Variants in JAKMIP2 observed in about 807,000 individuals in gnomAD.
The protein encoded by JAKMIP2 is janus kinase and microtubule-interacting protein 2.
Under a neutral mutation model 115.0 loss-of-function variants are expected in JAKMIP2, and 25 were observed. That is an observed-to-expected ratio of 0.22 (90% confidence interval 0.16 to 0.30). The LOEUF (loss-of-function observed/expected upper bound fraction) is 0.30. Among genes scored for constraint, JAKMIP2 ranks in the 10% least tolerant of loss-of-function variants. JAKMIP2 has a pLI of 1.00. For missense variants in JAKMIP2, 642 were observed against 957.6 expected (o/e 0.67, Z 4.35); for synonymous variants, 334 against 343.6 (o/e 0.97, Z 0.31).
intron 7 of JAKMIP2, among the ~76,000 whole-genome samples, chr5:147,643,006 T>C (rs896778861): frequency 1.3e-5 from 2 of 152,062 alleles, no homozygotes; most frequent in African/African-American, 4.8e-5. Flanking sequence ...AACATCAGAC[T>C]CCAAGTTCTT....
intron 1 of JAKMIP2, among the ~76,000 whole-genome samples, chr5:147,760,396 C>T (rs1247100581): frequency 2.6e-5 from 2 of 76,804 alleles, no homozygotes; most frequent in Admixed American, 1.8e-4. Flanking sequence ...AGAGAAGAGG[C>T]AGTCAGTGAA....
rs1476847985 is a variant in JAKMIP2, at chr5:147,601,765, G to A, written c.2459C>T (p.Pro820Leu). The change falls in exon 21 of 22, where the codon CCT becomes CTT. Residue 820 changes from proline to leucine, a missense_variant. Transcript: ENST00000616793. ...CCTTTAAGAGGCACCTTGACATCAA[G>A]GCCATAGAATAAAGGCAAGAGAGAA... ...LFFSLAFILW[P>L] 1 of 1,524,646 alleles carries A rather than the reference G, an allele frequency of 6.6e-7. No homozygotes were observed. Among genetic ancestry groups the A allele is most frequent in the Non-Finnish European group, 8.8e-7 (1 of 1,130,884 alleles). The allele number at this position is 1,524,646 out of a possible 1,614,324, so 94.4% of individuals were successfully genotyped here.
intron 1 of JAKMIP2, among the ~76,000 whole-genome samples, chr5:147,755,142 A>G (rs976979516): frequency 3.3e-5 from 5 of 152,204 alleles, no homozygotes; most frequent in Non-Finnish European, 5.9e-5. Flanking sequence ...AGAGTTTTGA[A>G]CAAAGCTTTG....
At chr5:147,744,440 A>G (rs1754275958) in intron 1 of JAKMIP2, among the ~76,000 whole-genome samples, 1 of 152,212 alleles carries the variant, frequency 6.6e-6, no homozygotes, top group African/African-American at 2.4e-5. Context: ...AGTAAGGCTT[A>G]GGCCACTTCT....
At position 147,742,155 on chromosome 5, in the gene JAKMIP2, A is replaced by ATTTTTTTTT. The variant is rs755006646; in HGVS notation, c.-149+40300_-149+40301insAAAAAAAAA. 2.8e-5 allele frequency among the ~76,000 whole-genome samples: 3 copies of ATTTTTTTTT among 108,884 alleles called. 1 individual carries two copies. Among genetic ancestry groups the ATTTTTTTTT allele is most frequent in the Non-Finnish European group, 5.6e-5 (3 of 53,676 alleles). The allele number at this position is 108,884 out of a possible 152,430, so 71.4% of individuals were successfully genotyped here. A position where few individuals can be genotyped will look rare whatever the true frequency, so the allele number is the denominator to read the frequency against. On this transcript the variant is annotated intron_variant, in intron 1 of 21. Transcript: ENST00000616793. ...TGTGGATCATTATATATATATATAT[A>ATTTTTTTTT]TTTTTTTTACTATTGTATTGTATCT...
rs979832119 is a variant in JAKMIP2, at chr5:147,782,393, G to T, written c.-149+63C>A. On this transcript the variant is annotated intron_variant, in intron 1 of 21. Transcript: ENST00000616793. ...CATTGTTCAAGTTCAGGCCAGAAAT[G>T]TATACACAGGTCAAATAAGAACACT... 3 of 1,496,254 alleles carry T rather than the reference G, an allele frequency of 2.0e-6. No homozygotes were observed. The African/African-American group carries it at 4.2e-5, about 21-fold the overall frequency. 92.7% of individuals were successfully genotyped at this position (1,496,254 alleles called of 1,614,324 possible). A position where few individuals can be genotyped will look rare whatever the true frequency, so the allele number is the denominator to read the frequency against.
At chr5:147,596,062 G>T (rs1337461661) in intron 21 of JAKMIP2, among the ~76,000 whole-genome samples, 1 of 152,190 alleles carries the variant, frequency 6.6e-6, no homozygotes, top group African/African-American at 2.4e-5. Flanking sequence ...CACCAAGTCA[G>T]CTTGGGCAAA....
intron 1 of JAKMIP2, among the ~76,000 whole-genome samples, chr5:147,744,045 TC>T (rs2127002722): frequency 6.9e-6 from 1 of 145,472 alleles, no homozygotes; most frequent in African/African-American, 2.6e-5. Context: ...CTTCCTTCCT[TC>T]CTTCCTTCCT....
At chr5:147,664,879 C>T (rs779621316) in intron 2 of JAKMIP2, among the ~76,000 whole-genome samples, 2 of 152,006 alleles carry the variant, frequency 1.3e-5, no homozygotes, top group African/African-American at 4.8e-5. Flanking sequence ...TGGCTAGGCC[C>T]CTAGCCAGAG....
intron 1 of JAKMIP2, among the ~76,000 whole-genome samples, chr5:147,750,972 GC>G (rs1432280390): frequency 6.6e-6 from 1 of 152,128 alleles, no homozygotes; most frequent in African/African-American, 2.4e-5. Context: ...GTTTTCTATT[GC>G]GGCAGCCCAA....
At chr5:147,670,991 G>A (rs1759554127) in intron 2 of JAKMIP2, among the ~76,000 whole-genome samples, 1 of 152,294 alleles carries the variant, frequency 6.6e-6, no homozygotes, top group South Asian at 2.1e-4. Context: ...CTGACAATGG[G>A]GAAGTGTTCT....
In JAKMIP2 at chr5:147,636,231, A is replaced by G; in HGVS notation, c.1668T>C (p.Leu556=). 3 of 1,613,512 alleles carry G rather than the reference A, an allele frequency of 1.9e-6. No homozygotes were observed. Among genetic ancestry groups the G allele is most frequent in the Non-Finnish European group, 2.5e-6 (3 of 1,179,556 alleles). Residue 556 remains leucine (L), a synonymous_variant, in exon 12 of 22, where the codon CTT becomes CTC. Transcript: ENST00000616793. The part of the protein sequence containing the change: ...KQLFIKRNQE[L]LEKIEKQEAE... ...GTTGTGCCCAACATACCTTTTCTAA[A>G]AGCTCCTGGTTTCTCTTAATGAAAA...
chr5:147,631,609 C>T, intron 13 of JAKMIP2, 98 bp from the exon 14 acceptor site: 2 of 669,058 alleles, frequency 3.0e-6, no homozygotes, highest in South Asian at 5.6e-5. Context: ...CAGTTTATTA[C>T]TGTCATTTGG....
rs189161322 is a variant in JAKMIP2, at chr5:147,629,001, A to G, written c.1930-185T>C. 3.3e-5 allele frequency among the ~76,000 whole-genome samples: 5 copies of G among 152,282 alleles called. No individual in the cohort carries two copies. The East Asian group carries it at 5.8e-4, about 18-fold the overall frequency. On this transcript the variant is annotated intron_variant, in intron 15 of 21. Transcript: ENST00000616793. ...TCAAAACCCGGAAGAAGTATATTAA[A>G]CGTGATTTTTTAAATATCTCCTTAA...
chr5:147,702,592 GA>G (rs1752387895), intron 1 of JAKMIP2, among the ~76,000 whole-genome samples: 10 of 117,048 alleles, frequency 8.5e-5, no homozygotes, highest in East Asian at 2.4e-4. Context: ...AAGAAAGAAA[GA>G]AAGAAAGAAG....
At chr5:147,609,355 T>G (rs1756191122) in intron 20 of JAKMIP2, among the ~76,000 whole-genome samples, 1 of 152,226 alleles carries the variant, frequency 6.6e-6, no homozygotes, top group Non-Finnish European at 1.5e-5. Flanking sequence ...CAGGAACTCT[T>G]GTAAGGCAGG....
chr5:147,678,009 T>C (rs983380869), intron 1 of JAKMIP2, among the ~76,000 whole-genome samples: 2 of 152,134 alleles, frequency 1.3e-5, no homozygotes, highest in Non-Finnish European at 2.9e-5. Flanking sequence ...CACCTTTTTT[T>C]TGTTCGTTTG....
intron 10 of JAKMIP2, among the ~76,000 whole-genome samples, chr5:147,639,402 A>G (rs548840994): frequency 1.3e-5 from 2 of 152,348 alleles, no homozygotes; most frequent in South Asian, 4.1e-4. Flanking sequence ...AACAGCAAGA[A>G]CAAGAACTAT....
At chr5:147,777,061 T>A (rs201900133) in intron 1 of JAKMIP2, among the ~76,000 whole-genome samples, 2 of 152,202 alleles carry the variant, frequency 1.3e-5, no homozygotes, top group Admixed American at 1.3e-4. Flanking sequence ...TGCTGATATA[T>A]GCACCTGGTG....
Sources: allele counts gnomAD v4.1 joint callset (sites outside exome capture counted in the v4.1 genomes callset), GRCh38; gene constraint gnomAD v4.1.1; transcripts MANE v1.5; gene names NCBI Gene and HGNC (gene_info 2026-07-23, HGNC 2026-07-21).